Variants in MERTK observed in about 807,000 individuals in gnomAD.
The protein encoded by MERTK is MER proto-oncogene, tyrosine kinase, also known as tyrosine-protein kinase Mer.
In MERTK, 69 loss-of-function variants were observed where a neutral mutation model predicts 99.3. The observed-to-expected ratio is 0.70, with a 90% confidence interval of 0.57 to 0.85. The LOEUF is 0.85. MERTK is among the 40% of genes least tolerant of loss of function. The pLI, the probability that MERTK is intolerant of heterozygous loss-of-function variation, is 0.00. For synonymous variants in MERTK, 426 were observed against 467.6 expected, an observed-to-expected ratio of 0.91 and a Z score of 1.15; for missense variants, 1,125 against 1,249.4, an observed-to-expected ratio of 0.90 and a Z score of 1.50.
intron 14 of MERTK, chr2:112,008,738 A>T: frequency 1.8e-6 from 1 of 547,196 alleles, no homozygotes; most frequent in South Asian, 2.0e-5. Flanking sequence ...TGTGAATTAA[A>T]TTGTCCTCAG....
At chr2:111,944,533 A>ATTCCTTAAAATAATTCCTCT (rs1265922025) in intron 2 of MERTK, among the ~76,000 whole-genome samples, 14,676 of 151,364 alleles carry the variant, frequency 0.097, 4,585 homozygotes, top group Admixed American at 0.1. Flanking sequence ...TTAAGGAATT[A>ATTCCTTAAAATAATTCCTCT]GCTCACACAC....
At position 112,021,470 on chromosome 2, in the gene MERTK, GA is replaced by G; in HGVS notation, c.2240del (p.Lys747ArgfsTer23). ...GTGTTGCGGACTTCGGCCTCTCTAA[GA>G]AGATTTACAGTGGCGATTATTACCG... ...VCVADFGLSKKIYSGDYYRQG... is the reference protein window; with the variant it reads ...VCVADFGLSKXIYSGDYYRQG... On this transcript the variant is annotated frameshift_variant, in exon 17 of 19. Transcript: ENST00000295408. LOFTEE classifies it high-confidence loss of function. The G allele has an allele frequency of 6.2e-7, 1 of 1,613,820 alleles. No individual in the cohort carries two copies. The highest frequency in any genetic ancestry group is 1.1e-5 in the South Asian group (1 of 91,066).
intron 8 of MERTK, among the ~76,000 whole-genome samples, chr2:111,983,299 G>T (rs550801498): frequency 1.3e-5 from 2 of 152,228 alleles, no homozygotes; most frequent in African/African-American, 2.4e-5. Context: ...TGGAATTTAG[G>T]CTCTTATAGG....
chr2:111,933,254 T>C (rs995171273), intron 2 of MERTK, among the ~76,000 whole-genome samples: 2 of 152,240 alleles, frequency 1.3e-5, no homozygotes, highest in African/African-American at 4.8e-5. Flanking sequence ...TTTGCATACC[T>C]GCAGTGACCT....
intron 2 of MERTK, among the ~76,000 whole-genome samples, chr2:111,944,300 T>G: frequency 1.0e-5 from 1 of 98,846 alleles, no homozygotes; most frequent in Non-Finnish European, 1.9e-5. Context: ...ACAGAATCTG[T>G]CTCAAAAAAA....
In MERTK at chr2:111,968,152, C is replaced by A; in HGVS notation, c.860C>A (p.Pro287Gln). ...TTTTATGCAGCAATTCCCTCCCCACCAACTGAAGTCAGCATCCGTAACAGC... is the reference window on the plus strand; with the variant it reads ...TTTTATGCAGCAATTCCCTCCCCACAAACTGAAGTCAGCATCCGTAACAGC... ...QINIKAIPSP[P>Q]TEVSIRNSTA... Residue 287 changes from proline to glutamine, a missense_variant, in exon 6 of 19, where the codon CCA (proline) becomes CAA (glutamine). By Grantham distance (76) the Pro-to-Gln change is moderately conservative. Coordinates refer to ENST00000295408, the MANE Select transcript of MERTK (RefSeq NM_006343.3). The A allele has an allele frequency of 6.2e-7, 1 of 1,613,706 alleles. No individual in the cohort carries two copies. Among genetic ancestry groups the A allele is most frequent in the African/African-American group, 1.3e-5 (1 of 74,956 alleles).
chr2:111,903,614 T>G (rs1684084777), intron 1 of MERTK, among the ~76,000 whole-genome samples: 1 of 152,210 alleles, frequency 6.6e-6, no homozygotes, highest in South Asian at 2.1e-4. Context: ...TCTGAATTGG[T>G]ATGTTTCTCA....
At chr2:111,976,258 T>G (rs1347103098) in intron 7 of MERTK, among the ~76,000 whole-genome samples, 1 of 152,188 alleles carries the variant, frequency 6.6e-6, no homozygotes, top group Non-Finnish European at 1.5e-5. Context: ...TGTTCTCTTG[T>G]TTTTTTGTGG....
At chr2:112,019,641 G>T (rs1178058165) in intron 16 of MERTK, 119 bp downstream of exon 16, 7 of 794,966 alleles carry the variant, frequency 8.8e-6, no homozygotes, top group East Asian at 2.6e-5. Flanking sequence ...AGCGGGGGAT[G>T]GTGTGGCTTG....
At chr2:111,935,344 G>A (rs915665792) in intron 2 of MERTK, among the ~76,000 whole-genome samples, 1 of 152,152 alleles carries the variant, frequency 6.6e-6, no homozygotes, top group Non-Finnish European at 1.5e-5. Context: ...CAAACGTCAG[G>A]TGCGGCAGCG....
intron 6 of MERTK, among the ~76,000 whole-genome samples, chr2:111,969,404 T>G (rs900849713): frequency 2.0e-5 from 3 of 152,276 alleles, no homozygotes; most frequent in Admixed American, 6.5e-5. Context: ...CTAAAAGTAT[T>G]AATGCATCCT....
Position 112,013,353 on chromosome 2 carries a change from A to G in MERTK, c.2079+3287A>G, listed in dbSNP as rs545219980. 4 of 154,470 alleles carry G rather than the reference A, an allele frequency of 2.6e-5. No individual in the cohort carries two copies. In the East Asian group the frequency reaches 5.8e-4, roughly 22 times the overall value. The allele number at this position is 154,470 out of a possible 1,614,324, so 9.6% of individuals were successfully genotyped here. On this transcript the variant is annotated intron_variant, in intron 15 of 18. Transcript: ENST00000295408. Reference sequence around the variant, plus strand: ...TTCCCCCAAAAAGAAAGATGATTGCATTATAGGAAGTCTGTAAAAGGATAA... The same window carrying G: ...TTCCCCCAAAAAGAAAGATGATTGCGTTATAGGAAGTCTGTAAAAGGATAA...
rs372801864 is a variant in MERTK at position 112,021,490 on chromosome 2, A to G, written c.2258A>G (p.Tyr753Cys). ...TCTAAGAAGATTTACAGTGGCGATT[A>G]TTACCGCCAAGGCCGCATTGCTAAG... Reference protein sequence around the residue: ...GLSKKIYSGDYYRQGRIAKMP... With the variant: ...GLSKKIYSGDCYRQGRIAKMP... The change falls in exon 17 of 19, where the codon TAT (tyrosine) becomes TGT (cysteine). Residue 753 changes from tyrosine (Y) to cysteine (C), a missense_variant. Physicochemically the swap from Tyr to Cys is radical, Grantham distance 194. Transcript: ENST00000295408. 2.5e-6 allele frequency: 4 copies of G among 1,613,932 alleles called. No individual in the cohort carries two copies. The highest frequency in any genetic ancestry group is 3.4e-6 in the Non-Finnish European group (4 of 1,179,894).
chr2:111,968,685 A>G (rs559489526), intron 6 of MERTK, among the ~76,000 whole-genome samples: 6 of 152,000 alleles, frequency 3.9e-5, no homozygotes, highest in African/African-American at 1.2e-4. Flanking sequence ...GTGCATCACC[A>G]TGCCCGGCTA....
At chr2:111,910,016 G>C (rs564674232) in intron 1 of MERTK, among the ~76,000 whole-genome samples, 2 of 152,288 alleles carry the variant, frequency 1.3e-5, no homozygotes, top group Non-Finnish European at 1.5e-5. Flanking sequence ...CCAAGCTAAG[G>C]AATCAGTCTA....
intron 8 of MERTK, among the ~76,000 whole-genome samples, chr2:111,987,730 A>T (rs1416319690): frequency 6.6e-6 from 1 of 152,122 alleles, no homozygotes; most frequent in Admixed American, 6.6e-5. Flanking sequence ...ATATTATACC[A>T]CCTTGAAGGC....
Position 112,028,669 on chromosome 2 carries a change from T to C in MERTK, c.2805T>C (p.Ser935=). The change falls in exon 19 of 19, where the codon AGT becomes AGC. Residue 935 remains serine, a synonymous_variant. Transcript: ENST00000295408. The part of the protein sequence containing the change: ...HEGRYILNGG[S]EEWEDLTSAP... Reference sequence around the variant, plus strand: ...GACGGTACATCCTGAATGGGGGCAGTGAGGAATGGGAAGATCTGACTTCTG... The same window carrying C: ...GACGGTACATCCTGAATGGGGGCAGCGAGGAATGGGAAGATCTGACTTCTG... 3 of 1,614,068 alleles carry C rather than the reference T, an allele frequency of 1.9e-6. No individual in the cohort carries two copies. The highest frequency in any genetic ancestry group is 2.5e-6 in the Non-Finnish European group (3 of 1,180,016).
In MERTK at chr2:111,922,874, T is replaced by C; in HGVS notation, c.62-6246T>C. Among the ~76,000 whole-genome samples the C allele has an allele frequency of 1.3e-5, 2 of 152,200 alleles. 1 individual carries two copies. The highest frequency in any genetic ancestry group is 1.3e-4 in the Admixed American group (2 of 15,282). On this transcript the variant is annotated intron_variant, in intron 1 of 18. Transcript: ENST00000295408. ...AAGTGCTCAGCAAGGATTCATGGAT[T>C]TGAGGGTAGGATGCACTAGTTGATC...
At chr2:112,027,358 A>G (rs1172654439) in intron 18 of MERTK, among the ~76,000 whole-genome samples, 1 of 151,752 alleles carries the variant, frequency 6.6e-6, no homozygotes, top group African/African-American at 2.4e-5. Context: ...CATGCCAATT[A>G]ATATGCCTGG....
Sources: gnomAD v4.1 joint callset for allele counts (sites outside exome capture counted in the v4.1 genomes callset) on GRCh38, gnomAD v4.1.1 for gene constraint, MANE v1.5 for transcripts, NCBI Gene and HGNC (gene_info 2026-07-23, HGNC 2026-07-21) for gene names.